The following FOCAD variants were observed in gnomAD, a reference collection of about 807,000 sequenced individuals.
FOCAD encodes the protein focadhesin.
FOCAD carries 198 observed loss-of-function variants against 225.6 expected under a neutral mutation model. That is an observed-to-expected ratio of 0.88 (90% CI 0.78 to 0.99). The LOEUF is 0.99. Ranked by LOEUF, FOCAD falls within the 50% of genes least tolerant of loss-of-function variation. The probability of loss-of-function intolerance (pLI) is 0.00; values close to 1 mark genes in which losing one functional copy is unlikely to be tolerated. For synonymous variants in FOCAD, 897 were observed against 755.0 expected (o/e 1.19, Z -3.08); for missense variants, 2,713 against 2,123.6 (o/e 1.28, Z -5.46).
chr9:20,734,128 G>A (rs1826939869), intron 4 of FOCAD, among the ~76,000 whole-genome samples: 1 of 152,248 alleles, frequency 6.6e-6, no homozygotes, highest in Admixed American at 6.5e-5. Context: ...ATGGAAGTCA[G>A]TGGTGAAACT....
intron 35 of FOCAD, among the ~76,000 whole-genome samples, chr9:20,969,103 G>C (rs1366143307): frequency 6.6e-6 from 1 of 151,982 alleles, no homozygotes; most frequent in African/African-American, 2.4e-5. Flanking sequence ...ATCTGTTCTT[G>C]ATTTCTATTC....
intron 5 of FOCAD, among the ~76,000 whole-genome samples, chr9:20,741,369 A>C (rs1586986121): frequency 6.6e-6 from 1 of 152,056 alleles, no homozygotes; most frequent in Admixed American, 6.6e-5. Context: ...TGTAAATGGG[A>C]TGGTCTGTGT....
At position 20,863,893 on chromosome 9, in the gene FOCAD, G is replaced by A. The variant is rs563116930; in HGVS notation, c.2055+1181G>A. Among the ~76,000 whole-genome samples the A allele has an allele frequency of 1.5e-4, 23 of 152,058 alleles. 1 individual carries two copies. The East Asian group carries it at 3.1e-3, about 20-fold the overall frequency. ...GGTTAATTTATGAATTGGCTGGTGTGTTGGTTTTTTGTGTTGGCTTATCCA... is the reference window on the plus strand; with the variant it reads ...GGTTAATTTATGAATTGGCTGGTGTATTGGTTTTTTGTGTTGGCTTATCCA... On this transcript the variant is annotated intron_variant, in intron 16 of 43. Transcript: ENST00000338382.
chr9:20,778,810 C>T, intron 9 of FOCAD, 42 bp downstream of exon 9: 1 of 1,135,300 alleles, frequency 8.8e-7, no homozygotes, highest in Non-Finnish European at 1.3e-6. Context: ...GTAAATATAA[C>T]ATGAGTATTG....
At chr9:20,723,989 G>A (rs1050696752) in intron 4 of FOCAD, among the ~76,000 whole-genome samples, 2 of 152,062 alleles carry the variant, frequency 1.3e-5, no homozygotes, top group African/African-American at 2.4e-5. Context: ...AGAGAGAGGG[G>A]GAGGTCCAAG....
chr9:20,845,997 A>G (rs916014616), intron 15 of FOCAD, among the ~76,000 whole-genome samples: 6 of 152,156 alleles, frequency 3.9e-5, no homozygotes, highest in African/African-American at 1.4e-4. Context: ...TTGTACTAGA[A>G]ATTTACATTT....
At chr9:20,718,390 T>G (rs2131531140) in intron 3 of FOCAD, among the ~76,000 whole-genome samples, 1 of 152,324 alleles carries the variant, frequency 6.6e-6, no homozygotes, top group African/African-American at 2.4e-5. Context: ...TGAGATACAC[T>G]TGGGGTTTGG....
At chr9:20,679,139 G>GTGTGTGTA (rs1822323366) in intron 2 of FOCAD, among the ~76,000 whole-genome samples, 1 of 139,270 alleles carries the variant, frequency 7.2e-6, no homozygotes, top group Non-Finnish European at 1.5e-5. Context: ...GTGTGTGTGT[G>GTGTGTGTA]TGTGTGTGTG....
At position 20,699,901 on chromosome 9, in the gene FOCAD, T is replaced by C. The variant is rs76272717; in HGVS notation, c.-32-15421T>C. ...AAATAAAATTCTTAAACTAACTTTA[T>C]CTGAAAGACATCCTACATACTGTAC... On this transcript the variant is annotated intron_variant, in intron 1 of 43. Transcript: ENST00000338382. 9.8e-3 allele frequency among the ~76,000 whole-genome samples: 1,461 copies of C among 148,928 alleles called. 22 individuals are homozygous for C. Among genetic ancestry groups the C allele is most frequent in the African/African-American group, 0.034 (1,388 of 40,532 alleles).
chr9:20,821,225 A>C (rs751387521), intron 14 of FOCAD, among the ~76,000 whole-genome samples, 154 bp downstream of exon 14: 1 of 152,108 alleles, frequency 6.6e-6, no homozygotes, highest in African/African-American at 2.4e-5. Flanking sequence ...AAATGTAATA[A>C]TATTGAACAA....
intron 40 of FOCAD, among the ~76,000 whole-genome samples, chr9:20,987,990 C>G (rs906830561): frequency 6.6e-6 from 1 of 152,168 alleles, no homozygotes; most frequent in Non-Finnish European, 1.5e-5. Context: ...TAATTGTCAA[C>G]AATTCAACAT....
chr9:20,789,391 G>C lies in FOCAD; in HGVS notation c.1238G>C (p.Gly413Ala), dbSNP rs918145671. 4 of 1,613,760 alleles carry C rather than the reference G, an allele frequency of 2.5e-6. No homozygotes were observed. The highest frequency in any genetic ancestry group is 1.7e-6 in the Non-Finnish European group (2 of 1,179,942). The change falls in exon 11 of 44, where the codon GGT (glycine) becomes GCT (alanine). Residue 413 changes from glycine (G) to alanine (A), a missense_variant. Transcript: ENST00000338382. ...GTGTGCCCTGTAACCAGTATGTATGGTACAATATTTACAGCCTGGAGGATT... is the reference window on the plus strand; with the variant it reads ...GTGTGCCCTGTAACCAGTATGTATGCTACAATATTTACAGCCTGGAGGATT... ...KLVCPVTSMYGTIFTAWRILE... is the reference protein window; with the variant it reads ...KLVCPVTSMYATIFTAWRILE...
At chr9:20,934,968 T>C (rs1835818693) in intron 28 of FOCAD, among the ~76,000 whole-genome samples, 3 of 151,918 alleles carry the variant, frequency 2.0e-5, no homozygotes, top group Admixed American at 2.0e-4. Context: ...CTGAAAGAAA[T>C]CATAGATGAC....
chr9:20,882,805 T>G (rs1377021004), intron 20 of FOCAD, among the ~76,000 whole-genome samples: 2 of 152,136 alleles, frequency 1.3e-5, no homozygotes, highest in African/African-American at 4.8e-5. Flanking sequence ...ATTTTGAAGC[T>G]TTATGGGATG....
At chr9:20,894,811 C>G (rs1017720786) in intron 21 of FOCAD, among the ~76,000 whole-genome samples, 1 of 151,954 alleles carries the variant, frequency 6.6e-6, no homozygotes, top group Admixed American at 6.6e-5. Flanking sequence ...TTTTGTAGAT[C>G]AGAAGATTTT....
intron 9 of FOCAD, among the ~76,000 whole-genome samples, chr9:20,780,386 G>T (rs1443528661): frequency 2.0e-5 from 3 of 152,224 alleles, no homozygotes; most frequent in Non-Finnish European, 2.9e-5. Flanking sequence ...ATGTGTAAGA[G>T]AAAGATAATA....
At chr9:20,903,318 T>G (rs1420484297) in intron 21 of FOCAD, among the ~76,000 whole-genome samples, 1 of 151,966 alleles carries the variant, frequency 6.6e-6, no homozygotes, top group Non-Finnish European at 1.5e-5. Flanking sequence ...AGTTAAATGT[T>G]TGAAAATCAT....
At chr9:20,871,111 G>A (rs538997329) in intron 18 of FOCAD, among the ~76,000 whole-genome samples, 1 of 152,146 alleles carries the variant, frequency 6.6e-6, no homozygotes, top group East Asian at 1.9e-4. Context: ...GGCTGAGGTA[G>A]GAGAATTGCT....
At chr9:20,793,849 G>A (rs1033918271) in intron 11 of FOCAD, among the ~76,000 whole-genome samples, 5 of 152,088 alleles carry the variant, frequency 3.3e-5, no homozygotes, top group African/African-American at 9.7e-5. Flanking sequence ...TTTGCTCAAG[G>A]GAAAATACGT....
Sources: allele counts gnomAD v4.1 joint callset (sites outside exome capture counted in the v4.1 genomes callset), GRCh38; gene constraint gnomAD v4.1.1; transcripts MANE v1.5; gene names NCBI Gene and HGNC (gene_info 2026-07-23, HGNC 2026-07-21).